The following RELT variants were observed in gnomAD, a reference collection of about 807,000 sequenced individuals.
RELT encodes the protein tumor necrosis factor receptor superfamily member 19L.
In RELT, 37 loss-of-function variants were observed where a neutral mutation model predicts 51.1. That is an observed-to-expected ratio of 0.72 (90% CI 0.56 to 0.95). RELT has a LOEUF of 0.95. RELT is among the 40% of genes least tolerant of loss of function. RELT has a pLI of 0.00. For synonymous variants in RELT, 241 were observed against 235.7 expected, an observed-to-expected ratio of 1.02 and a Z score of -0.21; for missense variants, 535 against 572.6, an observed-to-expected ratio of 0.93 and a Z score of 0.67.
At chr11:73,392,778 A>G (rs1212544266) in intron 6 of RELT, 1 of 1,305,614 alleles carries the variant, frequency 7.7e-7, no homozygotes, top group Non-Finnish European at 9.8e-7. Flanking sequence ...CCAGGGTCGG[A>G]TGGTGGCCTT....
chr11:73,390,799 C>T lies in RELT; in HGVS notation c.165C>T (p.Thr55=). 1.9e-6 allele frequency: 3 copies of T among 1,611,616 alleles called. No homozygotes were observed. The highest frequency in any genetic ancestry group is 1.7e-6 in the Non-Finnish European group (2 of 1,179,322). Residue 55 remains threonine, a synonymous_variant, in exon 4 of 11, where the codon ACC becomes ACT. Coordinates refer to ENST00000064780, the MANE Select transcript of RELT (RefSeq NM_152222.2). ...TATGCAGGCCCTGCCCCCCAGGCAC[C>T]TTCTCAGCTGCATGGGGCTCCAGCC... ...GTLCRPCPPG[T]FSAAWGSSPC...
intron 1 of RELT, 57 bp from the exon 2 acceptor site, chr11:73,389,055 C>A: frequency 1.1e-6 from 1 of 876,232 alleles, no homozygotes; most frequent in Non-Finnish European, 1.8e-6. Flanking sequence ...GCTGAGGGGA[C>A]AGCAGCTGCC....
At chr11:73,385,009 T>G (rs1590731751) in intron 1 of RELT, among the ~76,000 whole-genome samples, 2 of 138,928 alleles carry the variant, frequency 1.4e-5, no homozygotes, top group South Asian at 2.3e-4. Flanking sequence ...GGCAGGCGTG[T>G]GGGTGGGGGA....
intron 9 of RELT, 29 bp from the exon 10 acceptor site, chr11:73,395,058 C>A: frequency 6.3e-7 from 1 of 1,583,584 alleles, no homozygotes; most frequent in Non-Finnish European, 8.7e-7. Flanking sequence ...TCCCCGCTAA[C>A]GGGGATGATT....
Position 73,393,919 on chromosome 11 carries a change from T to A in RELT, c.706+2T>A. The A allele has an allele frequency of 1.2e-6, 2 of 1,612,620 alleles. No individual in the cohort carries two copies. The highest frequency in any genetic ancestry group is 1.7e-6 in the Non-Finnish European group (2 of 1,179,398). On this transcript the variant is annotated splice_donor_variant, in intron 7 of 10. Transcript: ENST00000064780. LOFTEE classifies it high-confidence loss of function. Reference sequence around the variant, plus strand: ...TGCGCTTGATCACAGAGAAGAAAGGTGAGGAGAAGGTCTGACCCCATCCCA... The same window carrying A: ...TGCGCTTGATCACAGAGAAGAAAGGAGAGGAGAAGGTCTGACCCCATCCCA...
chr11:73,394,544 G>A lies in RELT; in HGVS notation c.856G>A (p.Gly286Ser). 6.2e-7 allele frequency: 1 copy of A among 1,611,876 alleles called. No individual in the cohort carries two copies. Among genetic ancestry groups the A allele is most frequent in the Non-Finnish European group, 8.5e-7 (1 of 1,179,962 alleles). Residue 286 changes from glycine (G) to serine (S), a missense_variant, in exon 9 of 11, where the codon GGC becomes AGC. By Grantham distance (56) the Gly-to-Ser change is moderately conservative. Transcript: ENST00000064780. This position sits in a 1 kb window ranked among gnomAD's most constrained non-coding sequence, Gnocchi z 4.9. Reference protein sequence around the residue: ...PHRHHLHTVQGLASLSGPCCS... With the variant: ...PHRHHLHTVQSLASLSGPCCS... Reference sequence around the variant, plus strand: ...CCGCCACCATCTCCACACCGTGCAGGGCCTGGCCTCGCTCTCTGGCCCCTG... The same window carrying A: ...CCGCCACCATCTCCACACCGTGCAGAGCCTGGCCTCGCTCTCTGGCCCCTG...
Position 73,394,424 on chromosome 11 carries a change from G to T in RELT, c.789-53G>T, listed in dbSNP as rs1866272025. Reference sequence around the variant, plus strand: ...CTCAAGTCACCCTGTTCCCTGCTGGGGTCTCCTGCCCCTGGCCTGGCCTAT... The same window carrying T: ...CTCAAGTCACCCTGTTCCCTGCTGGTGTCTCCTGCCCCTGGCCTGGCCTAT... On this transcript the variant is annotated intron_variant, in intron 8 of 10. Coordinates refer to ENST00000064780, the MANE Select transcript of RELT (RefSeq NM_152222.2). This position sits in a 1 kb window ranked among gnomAD's most constrained non-coding sequence, Gnocchi z 4.9. The T allele has an allele frequency of 2.5e-5, 41 of 1,608,100 alleles. No individual in the cohort carries two copies. Among genetic ancestry groups the T allele is most frequent in the Non-Finnish European group, 2.8e-5 (33 of 1,175,942 alleles).
intron 1 of RELT, among the ~76,000 whole-genome samples, chr11:73,384,802 GC>G (rs1866099155): frequency 6.6e-6 from 1 of 152,232 alleles, no homozygotes; most frequent in Non-Finnish European, 1.5e-5. Flanking sequence ...CATGGAGCAG[GC>G]AGCTCGTGGT....
intron 1 of RELT, among the ~76,000 whole-genome samples, chr11:73,383,794 C>G (rs1236502499): frequency 1.3e-5 from 2 of 152,230 alleles, no homozygotes; most frequent in Non-Finnish European, 2.9e-5. Context: ...GCCCGGCCTG[C>G]ACAGGGCTGG....
Position 73,392,372 on chromosome 11 carries a change from C to T in RELT, c.529C>T (p.Leu177=). The T allele has an allele frequency of 5.0e-6, 8 of 1,613,852 alleles. No individual in the cohort carries two copies. The highest frequency in any genetic ancestry group is 6.8e-6 in the Non-Finnish European group (8 of 1,179,938). The part of the protein sequence containing the change: ...AIVPVFCLMG[L]LGILVCNLLK... The stretch of plus-strand genomic sequence containing the variant: ...CGTCCCTGTCTTCTGCCTCATGGGG[C>T]TGTTGGGCATCCTGGTGTGCAACCT... Residue 177 remains leucine, a synonymous_variant, in exon 6 of 11, where the codon CTG becomes TTG. Transcript: ENST00000064780.
At chr11:73,389,304 G>T (rs183816370) in intron 2 of RELT, 123 bp downstream of exon 2, 4 of 632,918 alleles carry the variant, frequency 6.3e-6, no homozygotes, top group Non-Finnish European at 1.0e-5. Context: ...TACTCAGCTC[G>T]TCAAGAATCT....
At position 73,396,267 on chromosome 11, in the gene RELT, C is replaced by A. The variant is rs1476179289; in HGVS notation, c.*776C>A. 1 of 152,644 alleles carries A rather than the reference C, an allele frequency of 6.6e-6. No individual in the cohort carries two copies. The highest frequency in any genetic ancestry group is 1.9e-4 in the East Asian group (1 of 5,198). 9.5% of individuals were successfully genotyped at this position (152,644 alleles called of 1,614,324 possible). Reference sequence around the variant, plus strand: ...GCTTAATGCATGTGCCTGCCCCTCCCCCAGCTGTTTTTAATGAAACTGAAA... The same window carrying A: ...GCTTAATGCATGTGCCTGCCCCTCCACCAGCTGTTTTTAATGAAACTGAAA... On this transcript the variant is annotated 3_prime_UTR_variant, in exon 11 of 11. Coordinates refer to ENST00000064780, the MANE Select transcript of RELT (RefSeq NM_152222.2).
At chr11:73,381,926 T>A (rs1866056295) in intron 1 of RELT, among the ~76,000 whole-genome samples, 1 of 152,204 alleles carries the variant, frequency 6.6e-6, no homozygotes. Context: ...CTCGGCTGGC[T>A]GTTGCTTGGT....
chr11:73,391,077 C>A, intron 4 of RELT, 67 bp from the exon 5 acceptor site: 1 of 1,549,786 alleles, frequency 6.5e-7, no homozygotes, highest in Non-Finnish European at 8.9e-7. Flanking sequence ...AGGAAGGAAT[C>A]CAGCCTCTCC....
rs982778522 is a variant in RELT, at chr11:73,395,590, A to G, written c.*99A>G. The G allele has an allele frequency of 3.2e-5, 25 of 770,124 alleles. No homozygotes were observed. Among genetic ancestry groups the G allele is most frequent in the Non-Finnish European group, 5.3e-5 (22 of 412,748 alleles). The allele number at this position is 770,124 out of a possible 1,614,324, so 47.7% of individuals were successfully genotyped here. ...GCAGCTGGGACTGTGAGGACCGAGA[A>G]GCAATGGCCCAGCAGACGAGACAGC... On this transcript the variant is annotated 3_prime_UTR_variant, in exon 11 of 11. Transcript: ENST00000064780.
chr11:73,392,113 C>CT lies in RELT; in HGVS notation c.368-97dup, dbSNP rs1369733827. ...GAGTGGGCTCCCCTGGGCACATTGG[C>CT]TCTCCTGCAGCCCCCACTGACTCGG... On this transcript the variant is annotated intron_variant, in intron 5 of 10. Coordinates refer to ENST00000064780, the MANE Select transcript of RELT (RefSeq NM_152222.2). 3.5e-6 allele frequency: 5 copies of CT among 1,409,128 alleles called. No homozygotes were observed. In the African/African-American group the frequency reaches 7.1e-5, roughly 20 times the overall value. 87.3% of individuals were successfully genotyped at this position (1,409,128 alleles called of 1,614,324 possible).
At chr11:73,391,963 G>A (rs536506736) in intron 5 of RELT, 455 of 586,874 alleles carry the variant, frequency 7.8e-4, no homozygotes, top group Non-Finnish European at 1.3e-3. Context: ...TGACCCCAGC[G>A]TGAGGGGAGG....
chr11:73,394,387 A>G lies in RELT; in HGVS notation c.788+70A>G. The G allele has an allele frequency of 6.2e-7, 1 of 1,609,996 alleles. No individual in the cohort carries two copies. ...CCAGCCTGCCTCCTGGGGATCTCCC[A>G]CTTGGGTCTCCCTCAAGTCACCCTG... On this transcript the variant is annotated intron_variant, in intron 8 of 10. Transcript: ENST00000064780. The surrounding 1 kb of genome is among the most constrained non-coding windows in gnomAD (Gnocchi z 4.9).
rs572192450 is a variant in RELT, at chr11:73,395,517, C to T, written c.*26C>T. On this transcript the variant is annotated 3_prime_UTR_variant, in exon 11 of 11. Coordinates refer to ENST00000064780, the MANE Select transcript of RELT (RefSeq NM_152222.2). Reference sequence around the variant, plus strand: ...GGGGCGGTCTAGTCTAAGGACACTGCGGCCCTGCCCTGGGAGGTTCCGAAG... The same window carrying T: ...GGGGCGGTCTAGTCTAAGGACACTGTGGCCCTGCCCTGGGAGGTTCCGAAG... 54 of 783,160 alleles carry T rather than the reference C, an allele frequency of 6.9e-5. No homozygotes were observed. Among genetic ancestry groups the T allele is most frequent in the African/African-American group, 1.0e-4 (6 of 59,288 alleles). 48.5% of individuals were successfully genotyped at this position (783,160 alleles called of 1,614,324 possible).
Sources: gnomAD v4.1 joint callset for allele counts (sites outside exome capture counted in the v4.1 genomes callset) on GRCh38, gnomAD v4.1.1 for gene constraint, Gnocchi (gnomAD v3.1) non-coding constraint, MANE v1.5 for transcripts, NCBI Gene and HGNC (gene_info 2026-07-23, HGNC 2026-07-21) for gene names.